CDK14: variants seen among roughly 807,000 people sequenced by gnomAD.
The protein encoded by CDK14 is cyclin dependent kinase 14.
In CDK14, 34 loss-of-function variants were observed where a neutral mutation model predicts 60.7. The observed-to-expected ratio is 0.56, with a 90% CI of 0.43 to 0.75. The LOEUF (loss-of-function observed/expected upper bound fraction) is 0.75, where lower values mean the gene tolerates loss of function less well. Among genes scored for constraint, CDK14 ranks in the 30% least tolerant of loss-of-function variants. CDK14 has a pLI of 0.00. For missense variants in CDK14, 482 were observed against 564.1 expected, an observed-to-expected ratio of 0.85 and a Z score of 1.47; for synonymous variants, 197 against 203.7, an observed-to-expected ratio of 0.97 and a Z score of 0.28.
chr7:90,933,437 T>C (rs1793655902), intron 8 of CDK14, among the ~76,000 whole-genome samples: 2 of 152,218 alleles, frequency 1.3e-5, no homozygotes, highest in South Asian at 4.1e-4. Context: ...AACACTAGGG[T>C]AAGCACTTTG....
intron 10 of CDK14, among the ~76,000 whole-genome samples, chr7:90,999,886 A>T (rs1795793800): frequency 6.6e-6 from 1 of 152,222 alleles, no homozygotes; most frequent in Non-Finnish European, 1.5e-5. Flanking sequence ...TTTACAAAAA[A>T]TTATTATTAC....
intron 5 of CDK14, among the ~76,000 whole-genome samples, chr7:90,812,870 T>C (rs949876896): frequency 6.6e-6 from 1 of 152,136 alleles, no homozygotes; most frequent in Non-Finnish European, 1.5e-5. Context: ...TTTTTAAAGG[T>C]TAAATATTAA....
chr7:90,634,918 G>A (rs1273935641), intron 2 of CDK14, among the ~76,000 whole-genome samples: 1 of 152,140 alleles, frequency 6.6e-6, no homozygotes, highest in Non-Finnish European at 1.5e-5. Context: ...TCTTTTGGCT[G>A]CATAAATGTC....
chr7:90,937,590 A>G (rs1377490587), intron 8 of CDK14, among the ~76,000 whole-genome samples: 1 of 152,220 alleles, frequency 6.6e-6, no homozygotes, highest in Non-Finnish European at 1.5e-5. Flanking sequence ...AGAAAACAAA[A>G]TTTCTATCTT....
At chr7:91,074,492 A>C (rs1419712778) in intron 11 of CDK14, among the ~76,000 whole-genome samples, 1 of 152,230 alleles carries the variant, frequency 6.6e-6, no homozygotes, top group African/African-American at 2.4e-5. Context: ...TCTGGGATGC[A>C]GCTAAAGAAG....
At position 90,709,863 on chromosome 7, in the gene CDK14, G is replaced by A. The variant is rs118037123; in HGVS notation, c.124-16704G>A. 5 of 1,372,826 alleles carry A rather than the reference G, an allele frequency of 3.6e-6. No individual in the cohort carries two copies. The South Asian group carries it at 5.1e-5, about 14-fold the overall frequency. The allele number at this position is 1,372,826 out of a possible 1,614,324, so 85.0% of individuals were successfully genotyped here. On this transcript the variant is annotated intron_variant, in intron 2 of 14. Transcript: ENST00000380050. Reference sequence around the variant, plus strand: ...GCTAGTGCAGAAAGATGTGAATTCAGTTGCTGTATGAGCCTGGCCTGGTGC... The same window carrying A: ...GCTAGTGCAGAAAGATGTGAATTCAATTGCTGTATGAGCCTGGCCTGGTGC...
intron 14 of CDK14, among the ~76,000 whole-genome samples, chr7:91,204,201 C>G (rs1802812926): frequency 1.3e-5 from 2 of 152,098 alleles, no homozygotes; most frequent in Admixed American, 1.3e-4. Flanking sequence ...AAACTTAAGG[C>G]TTTTGTTTTT....
intron 9 of CDK14, among the ~76,000 whole-genome samples, chr7:90,981,803 GAAACA>G (rs3840668): frequency 2.8e-4 from 41 of 148,608 alleles, no homozygotes; most frequent in African/African-American, 9.2e-4. Flanking sequence ...GAGAGTTCTA[GAAACA>G]AAACAAAACA....
intron 12 of CDK14, among the ~76,000 whole-genome samples, chr7:91,083,432 G>C (rs961126438): frequency 2.0e-5 from 3 of 152,096 alleles, no homozygotes; most frequent in Admixed American, 1.3e-4. Flanking sequence ...AAAATGTACT[G>C]TTTTCAATAT....
intron 14 of CDK14, among the ~76,000 whole-genome samples, chr7:91,201,797 A>T (rs1459680405): frequency 6.6e-6 from 1 of 152,158 alleles, no homozygotes; most frequent in Non-Finnish European, 1.5e-5. Flanking sequence ...TTTAGCACTT[A>T]AGGGCTTCTA....
intron 2 of CDK14, among the ~76,000 whole-genome samples, chr7:90,677,098 A>T (rs1170811665): frequency 6.6e-6 from 1 of 152,180 alleles, no homozygotes; most frequent in African/African-American, 2.4e-5. Context: ...TCAAAATTTG[A>T]TACATCACTG....
At chr7:91,174,097 C>A (rs1302113889) in intron 14 of CDK14, among the ~76,000 whole-genome samples, 1 of 152,126 alleles carries the variant, frequency 6.6e-6, no homozygotes, top group Non-Finnish European at 1.5e-5. Flanking sequence ...TCCCAGCATG[C>A]AGCTGGAGAT....
At chr7:91,027,130 A>G (rs1390987590) in intron 10 of CDK14, among the ~76,000 whole-genome samples, 2 of 152,236 alleles carry the variant, frequency 1.3e-5, no homozygotes, top group Non-Finnish European at 1.5e-5. Context: ...AACCCACAAT[A>G]CGTAACTGTT....
At chr7:91,055,783 G>C (rs1797531412) in intron 11 of CDK14, among the ~76,000 whole-genome samples, 1 of 152,140 alleles carries the variant, frequency 6.6e-6, no homozygotes, top group African/African-American at 2.4e-5. Context: ...TTTAGCCTAA[G>C]AATTTATAGC....
intron 2 of CDK14, among the ~76,000 whole-genome samples, chr7:90,678,706 A>G (rs1324526607): frequency 1.3e-5 from 2 of 152,132 alleles, no homozygotes; most frequent in African/African-American, 4.8e-5. Context: ...GTGTAGGGTA[A>G]TCACCATATA....
chr7:90,812,307 G>C (rs964115906), intron 5 of CDK14, among the ~76,000 whole-genome samples: 2 of 152,198 alleles, frequency 1.3e-5, no homozygotes, highest in Non-Finnish European at 2.9e-5. Context: ...ATGAGTTCAT[G>C]TCTTTTGTAT....
At chr7:91,076,747 A>G (rs943603508) in intron 11 of CDK14, among the ~76,000 whole-genome samples, 5 of 152,200 alleles carry the variant, frequency 3.3e-5, no homozygotes, top group African/African-American at 1.2e-4. Flanking sequence ...TTTGCAATCT[A>G]CCCATCTGAC....
At chr7:91,129,297 T>C (rs1018388598) in intron 14 of CDK14, among the ~76,000 whole-genome samples, 25 of 152,204 alleles carry the variant, frequency 1.6e-4, no homozygotes, top group African/African-American at 6.0e-4. Flanking sequence ...TAAACTGTAT[T>C]CCTGGGCACT....
intron 2 of CDK14, among the ~76,000 whole-genome samples, chr7:90,635,519 C>G (rs1482949898): frequency 6.6e-6 from 1 of 152,160 alleles, no homozygotes; most frequent in Non-Finnish European, 1.5e-5. Flanking sequence ...CAGTACCATG[C>G]TGTTTTGGTT....
Sources: gnomAD v4.1 joint callset for allele counts (sites outside exome capture counted in the v4.1 genomes callset) on GRCh38, gnomAD v4.1.1 for gene constraint, MANE v1.5 for transcripts, NCBI Gene and HGNC (gene_info 2026-07-23, HGNC 2026-07-21) for gene names.